ATP8A2: variants seen among roughly 807,000 people sequenced by gnomAD.
ATP8A2 encodes phospholipid-transporting ATPase IB.
In ATP8A2, 100 loss-of-function variants were observed where a neutral mutation model predicts 165.6. The observed-to-expected ratio is 0.60, with a 90% CI of 0.51 to 0.71. The LOEUF is 0.71. Ranked by LOEUF, ATP8A2 falls within the 30% of genes least tolerant of loss-of-function variation. The pLI is 0.00. For missense variants in ATP8A2, 1,227 were observed against 1,479.5 expected, an observed-to-expected ratio of 0.83 and a Z score of 2.80; for synonymous variants, 543 against 548.8, an observed-to-expected ratio of 0.99 and a Z score of 0.15.
At chr13:25,811,041 A>G (rs1950855836) in intron 27 of ATP8A2, among the ~76,000 whole-genome samples, 1 of 130,174 alleles carries the variant, frequency 7.7e-6, no homozygotes, top group South Asian at 2.9e-4. Context: ...ATTATGCACA[A>G]TTTTTGTCAT....
In ATP8A2 at chr13:25,563,968, T is replaced by A. The variant is rs1416181145; in HGVS notation, c.1410T>A (p.Pro470=). 6.2e-7 allele frequency: 1 copy of A among 1,612,230 alleles called. No individual in the cohort carries two copies. The highest frequency in any genetic ancestry group is 8.5e-7 in the Non-Finnish European group (1 of 1,178,220). The part of the protein sequence containing the change: ...PSSDDFCRMP[P]PCSDSCDFDD... ...TTCTCTCTTACAGTCGGATGCCTCC[T>A]CCCTGTAGTGATTCCTGTGACTTTG... The change falls in exon 16 of 37, where the codon CCT becomes CCA. Residue 470 remains proline, a synonymous_variant. Transcript: ENST00000381655.
chr13:25,903,990 A>G (rs4326904), intron 33 of ATP8A2, among the ~76,000 whole-genome samples: 8,359 of 152,260 alleles, frequency 0.055, 349 homozygotes, highest in East Asian at 0.18. Flanking sequence ...ACTGTTGTAC[A>G]AACTCTGCAG....
chr13:25,937,848 CAAAAAAAAAA>C (rs57258286), intron 33 of ATP8A2, among the ~76,000 whole-genome samples: 1 of 83,558 alleles, frequency 1.2e-5, no homozygotes, highest in Non-Finnish European at 2.2e-5. Flanking sequence ...GACTCCGTCT[CAAAAAAAAAA>C]AAAAAAAAAA....
chr13:25,844,694 C>T (rs943120732), intron 30 of ATP8A2, among the ~76,000 whole-genome samples: 3 of 152,138 alleles, frequency 2.0e-5, no homozygotes, highest in Admixed American at 6.5e-5. Flanking sequence ...GCAAGAGCTG[C>T]CTGAAGCCAT....
intron 1 of ATP8A2, among the ~76,000 whole-genome samples, chr13:25,467,905 C>G (rs1375643323): frequency 6.6e-6 from 1 of 152,100 alleles, no homozygotes; most frequent in Non-Finnish European, 1.5e-5. Flanking sequence ...AGTTGGAAAG[C>G]GTGGCAGGTA....
At chr13:25,764,604 T>C (rs936502304) in intron 25 of ATP8A2, among the ~76,000 whole-genome samples, 8 of 152,236 alleles carry the variant, frequency 5.3e-5, no homozygotes, top group African/African-American at 1.9e-4. Context: ...CCAGGCTTTC[T>C]GATCAGAGGC....
chr13:25,842,400 C>T (rs556958059), intron 30 of ATP8A2, among the ~76,000 whole-genome samples: 32 of 152,176 alleles, frequency 2.1e-4, no homozygotes, highest in East Asian at 1.9e-4. Flanking sequence ...TGTGGCTGGG[C>T]GTGGTGTCTC....
At chr13:25,899,159 G>C (rs1042996239) in intron 33 of ATP8A2, among the ~76,000 whole-genome samples, 1 of 152,158 alleles carries the variant, frequency 6.6e-6, no homozygotes, top group African/African-American at 2.4e-5. Flanking sequence ...TTCCTATTCG[G>C]CCATGTTGGC....
At chr13:25,429,125 T>C (rs933345135) in intron 1 of ATP8A2, among the ~76,000 whole-genome samples, 1 of 152,068 alleles carries the variant, frequency 6.6e-6, no homozygotes, top group Admixed American at 6.5e-5. Context: ...CCCAGCACTT[T>C]GGGAGGCCGA....
intron 25 of ATP8A2, 94 bp from the exon 26 acceptor site, chr13:25,768,952 C>A: frequency 8.3e-7 from 1 of 1,200,248 alleles, no homozygotes; most frequent in Non-Finnish European, 1.2e-6. Context: ...GGAGATCGTC[C>A]AGTAACTGTC....
chr13:25,704,095 G>T (rs1030560114), intron 25 of ATP8A2, among the ~76,000 whole-genome samples: 3 of 152,134 alleles, frequency 2.0e-5, no homozygotes, highest in African/African-American at 7.2e-5. Context: ...CAGAAGTTTT[G>T]TTAGTTTAAA....
intron 2 of ATP8A2, among the ~76,000 whole-genome samples, chr13:25,486,294 T>G (rs1317942683): frequency 6.6e-6 from 1 of 152,230 alleles, no homozygotes; most frequent in African/African-American, 2.4e-5. Flanking sequence ...ACGTTTTTTA[T>G]AGAAATCAAC....
At chr13:25,713,311 G>T (rs115709725) in intron 25 of ATP8A2, among the ~76,000 whole-genome samples, 2 of 152,096 alleles carry the variant, frequency 1.3e-5, no homozygotes, top group African/African-American at 2.4e-5. Context: ...AGGGCTAAGA[G>T]GCAAGTTTTA....
intron 30 of ATP8A2, among the ~76,000 whole-genome samples, chr13:25,843,921 T>A (rs1203220367): frequency 6.6e-6 from 1 of 152,154 alleles, no homozygotes; most frequent in Non-Finnish European, 1.5e-5. Context: ...GGGGGACTTT[T>A]TCTCAGGGCA....
chr13:25,387,596 A>C (rs1056645261), intron 1 of ATP8A2, among the ~76,000 whole-genome samples: 39 of 152,176 alleles, frequency 2.6e-4, no homozygotes, highest in African/African-American at 8.9e-4. Flanking sequence ...TTCGAGGCGC[A>C]CGTAGAGAAA....
chr13:25,511,599 G>T (rs2037226479), intron 2 of ATP8A2, among the ~76,000 whole-genome samples: 1 of 152,110 alleles, frequency 6.6e-6, no homozygotes, highest in African/African-American at 2.4e-5. Context: ...GCTTGGCTGG[G>T]TATAGAAATC....
At chr13:25,738,016 A>C (rs145223902) in intron 25 of ATP8A2, among the ~76,000 whole-genome samples, 76 of 152,346 alleles carry the variant, frequency 5.0e-4, no homozygotes, top group African/African-American at 1.8e-3. Flanking sequence ...AGATCAGACA[A>C]CATTTTGTGT....
chr13:25,609,554 T>TTTGATCCA (rs2040610548), intron 24 of ATP8A2, among the ~76,000 whole-genome samples: 1 of 147,380 alleles, frequency 6.8e-6, no homozygotes, highest in African/African-American at 2.5e-5. Context: ...TATATATATA[T>TTTGATCCA]ATATTTGGAT....
At chr13:25,505,606 T>C (rs189580368) in intron 2 of ATP8A2, among the ~76,000 whole-genome samples, 87 of 152,308 alleles carry the variant, frequency 5.7e-4, no homozygotes, top group Middle Eastern at 3.4e-3. Flanking sequence ...TCTAGAGATA[T>C]TATAGTTCCA....
Sources: allele counts gnomAD v4.1 joint callset (sites outside exome capture counted in the v4.1 genomes callset), GRCh38; gene constraint gnomAD v4.1.1; transcripts MANE v1.5; gene names NCBI Gene and HGNC (gene_info 2026-07-23, HGNC 2026-07-21).